HECW1: variants seen among roughly 807,000 people sequenced by gnomAD.
The protein encoded by HECW1 is E3 ubiquitin-protein ligase HECW1.
In HECW1, 61 loss-of-function variants were observed where a neutral mutation model predicts 182.3. That is an observed-to-expected ratio of 0.33 (90% CI 0.27 to 0.41). HECW1 has a LOEUF of 0.41. HECW1 is among the 10% of genes least tolerant of loss of function. The pLI, the probability that HECW1 is intolerant of heterozygous loss-of-function variation, is 1.00. For missense variants in HECW1, 1,739 were observed against 2,108.9 expected (o/e 0.82, Z 3.44); for synonymous variants, 859 against 832.6 (o/e 1.03, Z -0.55).
chr7:43,173,713 C>G (rs1437594670), intron 2 of HECW1, among the ~76,000 whole-genome samples: 1 of 152,200 alleles, frequency 6.6e-6, no homozygotes, highest in Admixed American at 6.5e-5. Flanking sequence ...GCTCACCTCC[C>G]GCTGTGCAGC....
At chr7:43,436,895 C>A (rs10235359) in intron 8 of HECW1, among the ~76,000 whole-genome samples, 7,483 of 152,204 alleles carry the variant, frequency 0.049, 320 homozygotes, top group African/African-American at 0.1. Flanking sequence ...GATGGAGTCT[C>A]ACTCTGTCAC....
intron 2 of HECW1, among the ~76,000 whole-genome samples, chr7:43,206,377 G>T (rs1179382597): frequency 6.6e-6 from 1 of 152,030 alleles, no homozygotes; most frequent in Non-Finnish European, 1.5e-5. Flanking sequence ...GGTAAGGGTT[G>T]GCCAAAAAGG....
intron 17 of HECW1, chr7:43,484,444 G>A (rs1761120902): frequency 6.6e-6 from 1 of 152,146 alleles, no homozygotes; most frequent in Non-Finnish European, 1.5e-5. Flanking sequence ...ATTTTTCTGT[G>A]TCCCGTATCA....
At chr7:43,217,328 A>G (rs948898885) in intron 2 of HECW1, among the ~76,000 whole-genome samples, 1 of 152,236 alleles carries the variant, frequency 6.6e-6, no homozygotes, top group African/African-American at 2.4e-5. Flanking sequence ...TATGTATAAA[A>G]TACACTTTGG....
chr7:43,320,711 G>A lies in HECW1; in HGVS notation c.429G>A (p.Trp143Ter), dbSNP rs1305961858. ...GTTCTCATCGGGGCCAGATCATCTGGAAGATCGATGCCAGCTCGTACTTTG... is the reference window on the plus strand; with the variant it reads ...GTTCTCATCGGGGCCAGATCATCTGAAAGATCGATGCCAGCTCGTACTTTG... ...VNGSHRGQII[W>*]KIDASSYFVE... Residue 143 changes from tryptophan (W) to a stop codon, truncating the protein, a stop_gained, in exon 5 of 30, where the codon TGG becomes TGA. Transcript: ENST00000395891. LOFTEE classifies it high-confidence loss of function. The A allele has an allele frequency of 1.9e-6, 3 of 1,614,010 alleles. No individual in the cohort carries two copies. Among genetic ancestry groups the A allele is most frequent in the Non-Finnish European group, 2.5e-6 (3 of 1,179,972 alleles).
chr7:43,367,863 C>A (rs750742348), intron 6 of HECW1, among the ~76,000 whole-genome samples: 3 of 152,104 alleles, frequency 2.0e-5, no homozygotes, highest in African/African-American at 7.2e-5. Context: ...CATTTTTTCT[C>A]GCTGCTAATC....
rs531422132 is a variant in HECW1, at chr7:43,444,781, T to C, written c.1609T>C (p.Leu537=). The change falls in exon 11 of 30, where the codon TTG becomes CTG. Residue 537 remains leucine (L), a synonymous_variant. Transcript: ENST00000395891. This position sits in a 1 kb window ranked among gnomAD's most constrained non-coding sequence, Gnocchi z 4.3. ...SVKRKSRPCS[L]PVSELETVIA... is the part of the protein sequence containing the mutation. The stretch of plus-strand genomic sequence containing the variant: ...GAAGAGAAAAAGCAGGCCCTGCTCC[T>C]TGCCTGTGTCCGAGCTGGAGACGGT... 9 of 1,614,076 alleles carry C rather than the reference T, an allele frequency of 5.6e-6. No individual in the cohort carries two copies. In the South Asian group the frequency reaches 8.8e-5, roughly 16 times the overall value.
At chr7:43,389,178 C>T (rs557318667) in intron 6 of HECW1, among the ~76,000 whole-genome samples, 58 of 152,346 alleles carry the variant, frequency 3.8e-4, no homozygotes, top group African/African-American at 1.3e-3. Flanking sequence ...TTTAAGATGT[C>T]TATCTTTCCA....
intron 5 of HECW1, among the ~76,000 whole-genome samples, chr7:43,350,545 C>A (rs1034611361): frequency 6.6e-6 from 1 of 152,038 alleles, no homozygotes; most frequent in Admixed American, 6.6e-5. Flanking sequence ...TCCTTGGAGG[C>A]TTTGTTCATG....
At chr7:43,542,867 C>T (rs2081412804) in intron 26 of HECW1, among the ~76,000 whole-genome samples, 1 of 152,158 alleles carries the variant, frequency 6.6e-6, no homozygotes, top group Non-Finnish European at 1.5e-5. Context: ...CCTGGATCTA[C>T]TTTATGGAGT....
intron 8 of HECW1, among the ~76,000 whole-genome samples, chr7:43,424,718 T>C (rs1403541063): frequency 6.6e-6 from 1 of 152,236 alleles, no homozygotes; most frequent in Non-Finnish European, 1.5e-5. Context: ...TCTTGTGATA[T>C]TGTAAATTAC....
intron 2 of HECW1, among the ~76,000 whole-genome samples, chr7:43,215,429 A>G (rs1796359519): frequency 1.3e-5 from 2 of 152,234 alleles, no homozygotes; most frequent in Non-Finnish European, 2.9e-5. Context: ...ACTGTTGCAC[A>G]TAATTTTATT....
chr7:43,560,574 C>T (rs1468232196), intron 29 of HECW1, among the ~76,000 whole-genome samples: 2 of 152,068 alleles, frequency 1.3e-5, no homozygotes, highest in African/African-American at 2.4e-5. Flanking sequence ...CAGGAAACCC[C>T]ACCTTCCCTC....
intron 6 of HECW1, among the ~76,000 whole-genome samples, chr7:43,380,226 T>A (rs1316222957): frequency 1.3e-5 from 2 of 152,132 alleles, no homozygotes; most frequent in Non-Finnish European, 2.9e-5. Context: ...CTAATATTTT[T>A]AAAAATTTTT....
intron 3 of HECW1, among the ~76,000 whole-genome samples, chr7:43,247,627 G>C (rs952595836): frequency 7.2e-6 from 1 of 139,398 alleles, no homozygotes; most frequent in Non-Finnish European, 1.6e-5. Context: ...AACAGAGCAA[G>C]ATGCTATGGA....
chr7:43,294,457 C>G (rs1173525973), intron 3 of HECW1, among the ~76,000 whole-genome samples: 3 of 152,298 alleles, frequency 2.0e-5, no homozygotes, highest in African/African-American at 4.8e-5. Context: ...CTCCCAGGAG[C>G]CTTCCAGAAG....
Position 43,230,158 on chromosome 7 carries a change from C to T in HECW1, c.-31-13717C>T, listed in dbSNP as rs577983325. On this transcript the variant is annotated intron_variant, in intron 2 of 29. Coordinates refer to ENST00000395891, the MANE Select transcript of HECW1 (RefSeq NM_015052.5). ...CTGTAATCCCAGCACTTGGGGAGAC[C>T]GAGGCGGGAGGATTGCTTGAGGTCA... Among the ~76,000 whole-genome samples the T allele has an allele frequency of 1.2e-4, 18 of 152,310 alleles. No homozygotes were observed. In the South Asian group the frequency reaches 3.7e-3, roughly 32 times the overall value.
At chr7:43,532,104 G>GCCC (rs2081015383) in intron 24 of HECW1, among the ~76,000 whole-genome samples, 1 of 152,178 alleles carries the variant, frequency 6.6e-6, no homozygotes, top group Admixed American at 6.5e-5. Context: ...CCTCCTCCAA[G>GCCC]CCCTGTTCTG....
intron 2 of HECW1, chr7:43,163,185 C>T (rs1790738557): frequency 6.6e-6 from 1 of 152,330 alleles, no homozygotes; most frequent in East Asian, 1.9e-4. Context: ...CAAACAAACA[C>T]ACACCAGGCT....
Sources: allele counts gnomAD v4.1 joint callset (sites outside exome capture counted in the v4.1 genomes callset), GRCh38; gene constraint gnomAD v4.1.1; non-coding constraint Gnocchi (gnomAD v3.1); transcripts MANE v1.5; gene names NCBI Gene and HGNC (gene_info 2026-07-23, HGNC 2026-07-21).